Variants in TMEM221 observed in about 807,000 individuals in gnomAD.
TMEM221 encodes transmembrane protein 221, also known as Putative transmembrane protein ENSP00000342162.
A neutral mutation model predicts 10.2 loss-of-function variants in TMEM221; 11 were observed. That is an observed-to-expected ratio of 1.08 (90% CI 0.68 to 1.79). The LOEUF is 1.79. TMEM221 is among the 40% of genes most tolerant of loss of function. The probability of loss-of-function intolerance (pLI) is 0.00; values close to 1 mark genes in which losing one functional copy is unlikely to be tolerated. For synonymous variants in TMEM221, 172 were observed against 199.8 expected (o/e 0.86, Z 1.18); for missense variants, 382 against 417.7 (o/e 0.91, Z 0.75).
At chr19:17,443,853 C>T (rs1371572568) in intron 2 of TMEM221, among the ~76,000 whole-genome samples, 3 of 151,990 alleles carry the variant, frequency 2.0e-5, no homozygotes, top group Admixed American at 1.3e-4. Flanking sequence ...TTAGGAGTCT[C>T]TTGAAAGACA....
In TMEM221 at chr19:17,448,004, A is replaced by G. The variant is rs1291955200; in HGVS notation, c.320+139T>C. ...GGAGGAGAGGAAAGGAGGGAGGCAG[A>G]GAGACATGGAGTGGTGGGGAGAGGG... On this transcript the variant is annotated intron_variant, in intron 1 of 2. Transcript: ENST00000341130. The surrounding 1 kb of genome is among the most constrained non-coding windows in gnomAD (Gnocchi z 4.7). 8.6e-6 allele frequency: 5 copies of G among 581,690 alleles called. No homozygotes were observed. The highest frequency in any genetic ancestry group is 1.3e-5 in the Non-Finnish European group (5 of 396,300). 36.0% of individuals were successfully genotyped at this position (581,690 alleles called of 1,614,324 possible). A position where few individuals can be genotyped will look rare whatever the true frequency, so the allele number is the denominator to read the frequency against.
chr19:17,441,783 G>A (rs1362381677), intron 2 of TMEM221, among the ~76,000 whole-genome samples: 2 of 151,452 alleles, frequency 1.3e-5, no homozygotes, highest in African/African-American at 4.9e-5. Context: ...TGCTTTGGAA[G>A]ATATCACACT....
At chr19:17,438,327 A>T (rs1200177706) in intron 2 of TMEM221, among the ~76,000 whole-genome samples, 1 of 152,054 alleles carries the variant, frequency 6.6e-6, no homozygotes, top group Non-Finnish European at 1.5e-5. Context: ...ACCTCAGGTG[A>T]TCCGCCCACC....
At chr19:17,438,880 T>G (rs62125236) in intron 2 of TMEM221, among the ~76,000 whole-genome samples, 150,160 of 150,160 alleles carry the variant, frequency 1, 75,080 homozygotes, top group Non-Finnish European at 1. Context: ...TTACAGGCAT[T>G]AGCCACTGCG....
At chr19:17,441,244 G>T (rs1218150066) in intron 2 of TMEM221, among the ~76,000 whole-genome samples, 1 of 151,430 alleles carries the variant, frequency 6.6e-6, no homozygotes, top group Non-Finnish European at 1.5e-5. Flanking sequence ...GGACTTTGAG[G>T]ACCTGAGCTA....
In TMEM221 at chr19:17,436,245, A is replaced by C. The variant is rs976124128; in HGVS notation, c.*213T>G. ...CTGGGAAGACTTCCAGGAGACACCT[A>C]GCCAGCGCTGGCCTCTGACTTTCCC... On this transcript the variant is annotated 3_prime_UTR_variant, in exon 3 of 3. Transcript: ENST00000341130. The C allele has an allele frequency of 3.7e-6, 2 of 533,806 alleles. No homozygotes were observed. Among genetic ancestry groups the C allele is most frequent in the African/African-American group, 3.8e-5 (2 of 52,308 alleles). 33.1% of individuals were successfully genotyped at this position (533,806 alleles called of 1,614,324 possible). A position where few individuals can be genotyped will look rare whatever the true frequency, so the allele number is the denominator to read the frequency against.
intron 2 of TMEM221, among the ~76,000 whole-genome samples, chr19:17,440,432 A>G (rs1297970208): frequency 1.3e-5 from 2 of 151,896 alleles, no homozygotes; most frequent in Non-Finnish European, 2.9e-5. Flanking sequence ...TCACCTTGTT[A>G]GCCAGGATGG....
chr19:17,436,917 G>A lies in TMEM221; in HGVS notation c.417C>T (p.Ile139=). 2 of 1,428,544 alleles carry A rather than the reference G, an allele frequency of 1.4e-6. No homozygotes were observed. Among genetic ancestry groups the A allele is most frequent in the Non-Finnish European group, 1.8e-6 (2 of 1,093,372 alleles). 88.5% of individuals were successfully genotyped at this position (1,428,544 alleles called of 1,614,324 possible). A position where few individuals can be genotyped will look rare whatever the true frequency, so the allele number is the denominator to read the frequency against. ...GISVYLAALS[I]YALLLFEIET... is the part of the protein sequence containing the mutation. ...CGATCTCGAAAAGTAGCAAGGCATA[G>A]ATGGACAGTGCTAGGGAAGGAAACG... Residue 139 remains isoleucine (I), a synonymous_variant, in exon 3 of 3, where the codon ATC becomes ATT. Transcript: ENST00000341130.
chr19:17,446,216 C>T (rs2074952872), intron 1 of TMEM221, among the ~76,000 whole-genome samples: 1 of 152,014 alleles, frequency 6.6e-6, no homozygotes, highest in Non-Finnish European at 1.5e-5. Context: ...ATCCATCCAT[C>T]CATTCATCCT....
chr19:17,448,299 G>A lies in TMEM221; in HGVS notation c.164C>T (p.Ala55Val). The A allele has an allele frequency of 8.2e-7, 1 of 1,215,752 alleles. No homozygotes were observed. The highest frequency in any genetic ancestry group is 1.0e-6 in the Non-Finnish European group (1 of 978,614). 75.3% of individuals were successfully genotyped at this position (1,215,752 alleles called of 1,614,324 possible). A position where few individuals can be genotyped will look rare whatever the true frequency, so the allele number is the denominator to read the frequency against. ...RAEGLGQELG[A>V]GPGLPEDAAG... ...CGCGTCCTCTGGCAGCCCGGGGCCGGCGCCCAGCTCCTGGCCCAGCCCCTC... is the reference window on the plus strand; with the variant it reads ...CGCGTCCTCTGGCAGCCCGGGGCCGACGCCCAGCTCCTGGCCCAGCCCCTC... The change falls in exon 1 of 3, where the codon GCC becomes GTC. Residue 55 changes from alanine (A) to valine (V), a missense_variant. Physicochemically the swap from Ala to Val is moderately conservative, Grantham distance 64. Coordinates refer to ENST00000341130, the MANE Select transcript of TMEM221 (RefSeq NM_001190844.2). The surrounding 1 kb of genome is among the most constrained non-coding windows in gnomAD (Gnocchi z 4.7).
In TMEM221 at chr19:17,448,165, C is replaced by T. The variant is rs535469448; in HGVS notation, c.298G>A (p.Ala100Thr). 230 of 1,427,210 alleles carry T rather than the reference C, an allele frequency of 1.6e-4. No homozygotes were observed. In the Middle Eastern group the frequency reaches 4.8e-3, roughly 30 times the overall value. The allele number at this position is 1,427,210 out of a possible 1,614,324, so 88.4% of individuals were successfully genotyped here. ...ALCGHLGAEL[A>T]RGPGPRRSDW... Reference sequence around the variant, plus strand: ...TACCTCCTGGGGCCAGGCCCCCGCGCCAGCTCGGCGCCCAGGTGGCCACAG... The same window carrying T: ...TACCTCCTGGGGCCAGGCCCCCGCGTCAGCTCGGCGCCCAGGTGGCCACAG... Residue 100 changes from alanine (A) to threonine (T), a missense_variant, in exon 1 of 3, where the codon GCG (alanine) becomes ACG (threonine). Coordinates refer to ENST00000341130, the MANE Select transcript of TMEM221 (RefSeq NM_001190844.2). This position sits in a 1 kb window ranked among gnomAD's most constrained non-coding sequence, Gnocchi z 4.7.
intron 2 of TMEM221, among the ~76,000 whole-genome samples, chr19:17,438,439 G>T (rs956825431): frequency 1.3e-5 from 2 of 152,006 alleles, no homozygotes; most frequent in African/African-American, 4.8e-5. Context: ...GCCCAGGCTG[G>T]TCTCCAATTC....
rs987611231 is a variant in TMEM221 at position 17,448,339 on chromosome 19, G to C, written c.124C>G (p.Arg42Gly). Reference sequence around the variant, plus strand: ...CCCAGCCCCTCGGCGCGCAGCCCCCGCAGCTCGGCGCGGCCCGCCTGCAGC... The same window carrying C: ...CCCAGCCCCTCGGCGCGCAGCCCCCCCAGCTCGGCGCGGCCCGCCTGCAGC... ...FQLQAGRAEL[R>G]GLRAEGLGQE... The change falls in exon 1 of 3, where the codon CGG becomes GGG. Residue 42 changes from arginine (R) to glycine (G), a missense_variant. Arg to Gly is a moderately radical substitution (Grantham distance 125). Coordinates refer to ENST00000341130, the MANE Select transcript of TMEM221 (RefSeq NM_001190844.2). The surrounding 1 kb of genome is among the most constrained non-coding windows in gnomAD (Gnocchi z 4.7). 3 of 1,319,180 alleles carry C rather than the reference G, an allele frequency of 2.3e-6. No homozygotes were observed. The highest frequency in any genetic ancestry group is 7.5e-5 in the Admixed American group (2 of 26,740). 81.7% of individuals were successfully genotyped at this position (1,319,180 alleles called of 1,614,324 possible).
chr19:17,438,412 C>T lies in TMEM221; in HGVS notation c.407-1485G>A, dbSNP rs145725645. On this transcript the variant is annotated intron_variant, in intron 2 of 2. Transcript: ENST00000341130. ...CTGATTTTTGTATTTTTAGTAGAAA[C>T]GGGGTTTCGCCTTGTTGCCCAGGCT... is the stretch of plus-strand genomic sequence containing the variant. Among the ~76,000 whole-genome samples, 939 of 151,784 alleles carry T rather than the reference C, an allele frequency of 6.2e-3. 7 individuals are homozygous for T. The highest frequency in any genetic ancestry group is 0.021 in the African/African-American group (877 of 41,390).
intron 2 of TMEM221, 89 bp from the exon 3 acceptor site, chr19:17,437,016 C>A (rs558086593): frequency 2.0e-6 from 2 of 1,015,084 alleles, no homozygotes; most frequent in Non-Finnish European, 2.7e-6. Context: ...GGAGAAATTA[C>A]GAAAAGCCCT....
At chr19:17,441,521 C>T (rs1308488582) in intron 2 of TMEM221, among the ~76,000 whole-genome samples, 1 of 152,196 alleles carries the variant, frequency 6.6e-6, no homozygotes, top group Non-Finnish European at 1.5e-5. Flanking sequence ...CAATGATGTC[C>T]TCATTGGACC....
chr19:17,445,771 TA>T (rs2074950877), intron 1 of TMEM221, among the ~76,000 whole-genome samples: 1 of 148,396 alleles, frequency 6.7e-6, no homozygotes, highest in Non-Finnish European at 1.5e-5. Context: ...TCCATCCACT[TA>T]TCCATCCATC....
At chr19:17,444,406 G>A (rs969510860) in intron 2 of TMEM221, among the ~76,000 whole-genome samples, 18 of 151,132 alleles carry the variant, frequency 1.2e-4, no homozygotes, top group African/African-American at 3.4e-4. Context: ...TAGACACCAC[G>A]CAGGCCATGA....
Position 17,442,058 on chromosome 19 carries a change from A to G in TMEM221, c.406+3141T>C, listed in dbSNP as rs77793683. On this transcript the variant is annotated intron_variant, in intron 2 of 2. Coordinates refer to ENST00000341130, the MANE Select transcript of TMEM221 (RefSeq NM_001190844.2). ...TTTTTCCTTTTGTAATTGTTCTTGT[A>G]TTTTAGAATGAGGATATCTTATTCC... Among the ~76,000 whole-genome samples the G allele has an allele frequency of 1.5e-3, 226 of 151,874 alleles. 1 individual carries two copies. Among genetic ancestry groups the G allele is most frequent in the African/African-American group, 5.4e-3 (223 of 41,414 alleles).
Sources: allele counts gnomAD v4.1 joint callset (sites outside exome capture counted in the v4.1 genomes callset), GRCh38; gene constraint gnomAD v4.1.1; non-coding constraint Gnocchi (gnomAD v3.1); transcripts MANE v1.5; gene names NCBI Gene and HGNC (gene_info 2026-07-23, HGNC 2026-07-21).